The following CSMD2 variants were observed in gnomAD, a reference collection of about 807,000 sequenced individuals.
CSMD2 encodes the protein CUB and Sushi multiple domains 2.
Under a neutral mutation model 398.5 loss-of-function variants are expected in CSMD2, and 130 were observed. The ratio of observed to expected loss-of-function variants is 0.33; its 90% CI spans 0.28 to 0.38. The LOEUF (loss-of-function observed/expected upper bound fraction) is 0.38, where lower values mean the gene tolerates loss of function less well. Ranked by LOEUF, CSMD2 falls within the 10% of genes least tolerant of loss-of-function variation. CSMD2 has a pLI of 1.00. For synonymous variants in CSMD2, 1,828 were observed against 1,908.5 expected (o/e 0.96, Z 1.10); for missense variants, 3,829 against 4,764.9 (o/e 0.80, Z 5.78).
At chr1:33,527,902 C>T (rs1405193759) in intron 64 of CSMD2, among the ~76,000 whole-genome samples, 1 of 148,876 alleles carries the variant, frequency 6.7e-6, no homozygotes, top group Non-Finnish European at 1.5e-5. Flanking sequence ...GATCATGCCA[C>T]TGCACTCCAG....
chr1:33,651,005 A>G (rs1643726003), intron 28 of CSMD2, among the ~76,000 whole-genome samples: 1 of 152,202 alleles, frequency 6.6e-6, no homozygotes, highest in Admixed American at 6.5e-5. Flanking sequence ...TGTTGCATGT[A>G]TCAGTAGTTC....
At chr1:33,569,275 T>C in intron 52 of CSMD2, 99 bp downstream of exon 52, 3 of 1,272,030 alleles carry the variant, frequency 2.4e-6, no homozygotes, top group Middle Eastern at 2.0e-4. Flanking sequence ...TGTCAATAGG[T>C]GAAATGATAC....
At chr1:33,680,087 A>T (rs977920519) in intron 25 of CSMD2, among the ~76,000 whole-genome samples, 14 of 139,176 alleles carry the variant, frequency 1.0e-4, no homozygotes, top group South Asian at 4.6e-4. Flanking sequence ...CGCCTGGCTA[A>T]TTTTTTATTT....
At chr1:34,084,164 G>A (rs983072913) in intron 2 of CSMD2, among the ~76,000 whole-genome samples, 11 of 152,146 alleles carry the variant, frequency 7.2e-5, no homozygotes, top group Non-Finnish European at 8.8e-5. Flanking sequence ...ATGCTGTGCC[G>A]TGGCTGGGGA....
At chr1:33,698,136 G>A (rs1327697263) in intron 24 of CSMD2, among the ~76,000 whole-genome samples, 2 of 152,228 alleles carry the variant, frequency 1.3e-5, no homozygotes, top group African/African-American at 4.8e-5. Context: ...TTGCACTTCT[G>A]CCTCAGATCA....
At chr1:33,581,015 G>A (rs1557570931) in intron 47 of CSMD2, 116 bp from the exon 48 acceptor site, 1 of 914,574 alleles carries the variant, frequency 1.1e-6, no homozygotes. Context: ...AAAATCATTT[G>A]TACTTGCACT....
chr1:33,614,520 T>C lies in CSMD2; in HGVS notation c.6117A>G (p.Ala2039=). Residue 2039 remains alanine (A), a synonymous_variant, in exon 40 of 71, where the codon GCA becomes GCG. Coordinates refer to ENST00000373381, the MANE Select transcript of CSMD2 (RefSeq NM_001281956.2). ...PSNMDCSWKI[A]LPVGFGAHIQ... ...GAGACTTACCAAAGCCCACGGGCAG[T>C]GCTATTTTCCAGGAGCAGTCCATGT... 1 of 1,601,886 alleles carries C rather than the reference T, an allele frequency of 6.2e-7. No homozygotes were observed. The highest frequency in any genetic ancestry group is 2.2e-5 in the East Asian group (1 of 44,750).
intron 11 of CSMD2, among the ~76,000 whole-genome samples, chr1:33,791,279 C>T (rs184672308): frequency 1.3e-5 from 2 of 152,274 alleles, no homozygotes; most frequent in East Asian, 3.9e-4. Flanking sequence ...AACCTTTGGG[C>T]CTCAGTCTCC....
At chr1:33,551,002 C>T (rs985172359) in intron 55 of CSMD2, among the ~76,000 whole-genome samples, 4 of 152,216 alleles carry the variant, frequency 2.6e-5, no homozygotes, top group African/African-American at 9.7e-5. Context: ...CTCTCATTTA[C>T]TCAACACACA....
rs553784298 is a variant in CSMD2 at position 33,962,980 on chromosome 1, C to G, written c.518-27026G>C. ...TTAGGGCTTAGAGCAATGTCTGGTA[C>G]GTAGTTGGCCCTCAGTAAATATCTG... On this transcript the variant is annotated intron_variant, in intron 3 of 70. Coordinates refer to ENST00000373381, the MANE Select transcript of CSMD2 (RefSeq NM_001281956.2). Among the ~76,000 whole-genome samples, 13 of 152,282 alleles carry G rather than the reference C, an allele frequency of 8.5e-5. No homozygotes were observed. The Middle Eastern group carries it at 0.01, about 120-fold the overall frequency.
At position 33,514,109 on chromosome 1, in the gene CSMD2, T is replaced by C. The variant is rs186362020; in HGVS notation, c.*2515A>G. 6.5e-6 allele frequency: 1 copy of C among 152,734 alleles called. No homozygotes were observed. Among genetic ancestry groups the C allele is most frequent in the East Asian group, 1.9e-4 (1 of 5,182 alleles). 9.5% of individuals were successfully genotyped at this position (152,734 alleles called of 1,614,324 possible). A position where few individuals can be genotyped will look rare whatever the true frequency, so the allele number is the denominator to read the frequency against. ...CAGGACCCCAGGGGGAAGCCTCATATACAGAGACAGATAAATTAAATGTAT... is the reference window on the plus strand; with the variant it reads ...CAGGACCCCAGGGGGAAGCCTCATACACAGAGACAGATAAATTAAATGTAT... On this transcript the variant is annotated 3_prime_UTR_variant, in exon 71 of 71. Coordinates refer to ENST00000373381, the MANE Select transcript of CSMD2 (RefSeq NM_001281956.2).
At chr1:34,039,800 G>A (rs1178159874) in intron 2 of CSMD2, among the ~76,000 whole-genome samples, 5 of 152,154 alleles carry the variant, frequency 3.3e-5, no homozygotes, top group Admixed American at 2.0e-4. Context: ...TTAGCTGTCT[G>A]ATGTATGGCC....
chr1:34,040,162 G>A (rs1052097040), intron 2 of CSMD2, among the ~76,000 whole-genome samples: 18 of 150,094 alleles, frequency 1.2e-4, no homozygotes, highest in African/African-American at 4.4e-4. Flanking sequence ...CTGTGCTCCA[G>A]CCTGGGCAAA....
chr1:33,539,809 C>T (rs1018681826), intron 60 of CSMD2, among the ~76,000 whole-genome samples: 3 of 152,180 alleles, frequency 2.0e-5, no homozygotes, highest in African/African-American at 7.2e-5. Flanking sequence ...GCACCAAATA[C>T]CTGTGTCCAG....
At chr1:33,712,971 T>C (rs552390552) in intron 21 of CSMD2, among the ~76,000 whole-genome samples, 2 of 152,356 alleles carry the variant, frequency 1.3e-5, no homozygotes, top group Admixed American at 1.3e-4. Context: ...TAAAAGGTTA[T>C]TGGCAAAATA....
intron 1 of CSMD2, among the ~76,000 whole-genome samples, chr1:34,102,023 A>C (rs1244241623): frequency 1.4e-5 from 2 of 145,012 alleles, no homozygotes; most frequent in African/African-American, 5.2e-5. Flanking sequence ...TCCCATGTAG[A>C]TTAAAATGTT....
intron 3 of CSMD2, among the ~76,000 whole-genome samples, chr1:34,012,127 C>T (rs963207147): frequency 2.0e-5 from 3 of 152,160 alleles, no homozygotes; most frequent in African/African-American, 7.2e-5. Flanking sequence ...GGCCCCACAG[C>T]CTCTCCGATT....
intron 25 of CSMD2, among the ~76,000 whole-genome samples, chr1:33,691,537 C>T (rs1645240820): frequency 6.6e-6 from 1 of 152,142 alleles, no homozygotes; most frequent in Non-Finnish European, 1.5e-5. Context: ...CAGCAAAACA[C>T]CCATTCAGCC....
intron 3 of CSMD2, among the ~76,000 whole-genome samples, chr1:34,000,720 G>C (rs1241121446): frequency 6.6e-6 from 1 of 152,164 alleles, no homozygotes; most frequent in Non-Finnish European, 1.5e-5. Context: ...AGACCTCAGA[G>C]GGAATTGTCA....
Sources: allele counts gnomAD v4.1 joint callset (sites outside exome capture counted in the v4.1 genomes callset), GRCh38; gene constraint gnomAD v4.1.1; transcripts MANE v1.5; gene names NCBI Gene and HGNC (gene_info 2026-07-23, HGNC 2026-07-21).